Variants in ZNF568 observed in about 807,000 individuals in gnomAD.
ZNF568 encodes the protein zinc finger protein 568, also known as p53 inhibitor of SCO2 activation.
ZNF568 carries 11 observed loss-of-function variants against 18.1 expected under a neutral mutation model. That is an observed-to-expected ratio of 0.61 (90% CI 0.38 to 1.00). The LOEUF (loss-of-function observed/expected upper bound fraction) is 1.00. ZNF568 is among the 50% of genes least tolerant of loss of function. ZNF568 has a pLI of 0.01. For synonymous variants in ZNF568, 213 were observed against 246.6 expected, an observed-to-expected ratio of 0.86 and a Z score of 1.28; for missense variants, 639 against 768.2, an observed-to-expected ratio of 0.83 and a Z score of 1.99.
chr19:36,946,476 T>C (rs1365022431), intron 6 of ZNF568, among the ~76,000 whole-genome samples: 1 of 152,058 alleles, frequency 6.6e-6, no homozygotes, highest in Non-Finnish European at 1.5e-5. Flanking sequence ...TTTCTATGTA[T>C]TATTAATTTA....
intron 4 of ZNF568, among the ~76,000 whole-genome samples, chr19:36,927,887 T>TATATA (rs1491142078): frequency 9.0e-4 from 35 of 38,986 alleles, no homozygotes; most frequent in Non-Finnish European, 1.1e-3. Context: ...TATATATATA[T>TATATA]TATATATATA....
intron 6 of ZNF568, among the ~76,000 whole-genome samples, chr19:36,958,692 C>T (rs1346331740): frequency 1.8e-4 from 24 of 132,894 alleles, no homozygotes; most frequent in African/African-American, 7.0e-4. Flanking sequence ...AATCTTGGCT[C>T]ACTGCAACCT....
intron 4 of ZNF568, among the ~76,000 whole-genome samples, chr19:36,925,827 C>T (rs1276797724): frequency 6.6e-6 from 1 of 152,044 alleles, no homozygotes; most frequent in Non-Finnish European, 1.5e-5. Flanking sequence ...TTAAAGTATA[C>T]GGGAGGACGT....
In ZNF568 at chr19:36,927,515, T is replaced by C. The variant is rs536167147; in HGVS notation, c.135+2257T>C. Among the ~76,000 whole-genome samples, 4 of 152,192 alleles carry C rather than the reference T, an allele frequency of 2.6e-5. No individual in the cohort carries two copies. In the South Asian group the frequency reaches 8.3e-4, roughly 32 times the overall value. On this transcript the variant is annotated intron_variant, in intron 4 of 6. Transcript: ENST00000333987. Reference sequence around the variant, plus strand: ...TATACATACATGATGGTTTCTAGGCTTTTACTTTTTCTGTAATCTATTTGT... The same window carrying C: ...TATACATACATGATGGTTTCTAGGCCTTTACTTTTTCTGTAATCTATTTGT...
intron 2 of ZNF568, among the ~76,000 whole-genome samples, chr19:36,919,950 C>G (rs759580797): frequency 5.3e-5 from 8 of 152,084 alleles, no homozygotes; most frequent in Non-Finnish European, 1.2e-4. Flanking sequence ...CTATACTATA[C>G]TTTTTATCAT....
downstream of ZNF568, among the ~76,000 whole-genome samples, chr19:36,984,510 T>C (rs1162925123): frequency 6.6e-6 from 1 of 152,180 alleles, no homozygotes; most frequent in Non-Finnish European, 1.5e-5. Context: ...CAGGTATTTT[T>C]CTTCTTTTTT....
At chr19:36,931,803 C>G (rs1418362176) in intron 4 of ZNF568, among the ~76,000 whole-genome samples, 9 of 152,298 alleles carry the variant, frequency 5.9e-5, no homozygotes, top group African/African-American at 2.2e-4. Context: ...AGTGTATTCA[C>G]AGAGTTGTGC....
downstream of ZNF568, among the ~76,000 whole-genome samples, chr19:36,954,168 T>G (rs2074090392): frequency 6.6e-6 from 1 of 152,064 alleles, no homozygotes; most frequent in Admixed American, 6.6e-5. Context: ...GAGGTTGCAG[T>G]GAGCCAAGAT....
chr19:36,925,908 T>C (rs571242515), intron 4 of ZNF568, among the ~76,000 whole-genome samples: 1 of 152,240 alleles, frequency 6.6e-6, no homozygotes, highest in South Asian at 2.1e-4. Context: ...TTGGTATCCG[T>C]GGGGGGTCCT....
intron 7 of ZNF568, among the ~76,000 whole-genome samples, chr19:36,977,534 A>C (rs909205996): frequency 6.6e-5 from 10 of 152,142 alleles, no homozygotes; most frequent in African/African-American, 2.4e-4. Flanking sequence ...TTCTATTCTG[A>C]ATTAATCAGT....
chr19:36,967,598 G>T (rs1378031223), intron 6 of ZNF568, among the ~76,000 whole-genome samples: 1 of 152,138 alleles, frequency 6.6e-6, no homozygotes, highest in Non-Finnish European at 1.5e-5. Context: ...AAATTCCTTT[G>T]TGGTTTCTGT....
At chr19:36,960,154 G>C (rs1356513396) in intron 6 of ZNF568, among the ~76,000 whole-genome samples, 1 of 111,522 alleles carries the variant, frequency 9.0e-6, no homozygotes, top group Non-Finnish European at 1.7e-5. Flanking sequence ...TCCTCGCTCT[G>C]TTGCCCAGGC....
downstream of ZNF568, among the ~76,000 whole-genome samples, chr19:36,957,391 C>T (rs559495039): frequency 2.0e-5 from 3 of 152,222 alleles, no homozygotes; most frequent in East Asian, 1.9e-4. Flanking sequence ...GCCACCATGG[C>T]TGGCTAACTT....
chr19:36,967,166 T>C (rs559056040), intron 6 of ZNF568, among the ~76,000 whole-genome samples: 20 of 152,324 alleles, frequency 1.3e-4, no homozygotes, highest in Non-Finnish European at 2.1e-4. Context: ...ATGTTTTCTT[T>C]TGGGTACTCT....
At chr19:36,953,225 C>T (rs2146316372), downstream of ZNF568, among the ~76,000 whole-genome samples, 1 of 152,230 alleles carries the variant, frequency 6.6e-6, no homozygotes, top group South Asian at 2.1e-4. Flanking sequence ...AAGATTTTTC[C>T]TGGGAAAGTG....
At chr19:36,946,826 A>G (rs1600813383) in intron 6 of ZNF568, among the ~76,000 whole-genome samples, 2 of 149,780 alleles carry the variant, frequency 1.3e-5, no homozygotes, top group Non-Finnish European at 3.0e-5. Context: ...CTAATTTTGT[A>G]TTTTTAGTAG....
downstream of ZNF568, among the ~76,000 whole-genome samples, chr19:36,953,487 A>G (rs1432529529): frequency 6.6e-6 from 1 of 152,222 alleles, no homozygotes; most frequent in African/African-American, 2.4e-5. Context: ...CACTAATAGT[A>G]GAGTTCCTCT....
chr19:36,991,115 A>C, intron 2 of ZNF568: 3 of 1,482,280 alleles, frequency 2.0e-6, no homozygotes, highest in Non-Finnish European at 9.0e-7. Context: ...ATTTTCTTTT[A>C]TGTTGTCTTA....
chr19:36,965,453 A>T (rs537418222), intron 6 of ZNF568, among the ~76,000 whole-genome samples: 2 of 152,314 alleles, frequency 1.3e-5, no homozygotes, highest in South Asian at 2.1e-4. Context: ...AGAGACCAGC[A>T]TTGAGTCCCT....
Sources: gnomAD v4.1 joint callset for allele counts (sites outside exome capture counted in the v4.1 genomes callset) on GRCh38, gnomAD v4.1.1 for gene constraint, MANE v1.5 for transcripts, NCBI Gene and HGNC (gene_info 2026-07-23, HGNC 2026-07-21) for gene names.